The following LOXL3 variants were observed in gnomAD, a reference collection of about 807,000 sequenced individuals.
The protein encoded by LOXL3 is lysyl oxidase like 3, also known as lysyl oxidase homolog 3.
Under a neutral mutation model 91.8 loss-of-function variants are expected in LOXL3, and 60 were observed. That is an observed-to-expected ratio of 0.65 (90% confidence interval 0.53 to 0.81). LOXL3 has a LOEUF of 0.81. LOXL3 is among the 30% of genes least tolerant of loss of function. The pLI, the probability that LOXL3 is intolerant of heterozygous loss-of-function variation, is 0.00. For synonymous variants in LOXL3, 355 were observed against 387.6 expected (o/e 0.92, Z 0.99); for missense variants, 874 against 1,000.4 (o/e 0.87, Z 1.70).
At chr2:74,554,383 G>T, upstream of LOXL3, 1 of 243,154 alleles carries the variant, frequency 4.1e-6, no homozygotes, top group South Asian at 6.2e-5. This position sits in a 1 kb window ranked among gnomAD's most constrained non-coding sequence, Gnocchi z 4.9. Flanking sequence ...GCCCGTGTGG[G>T]TCTCTCCGGT....
intron 1 of LOXL3, among the ~76,000 whole-genome samples, chr2:74,553,285 C>T (rs539437634): frequency 6.6e-6 from 1 of 152,274 alleles, no homozygotes; most frequent in African/African-American, 2.4e-5. Flanking sequence ...CCTAACCCAG[C>T]AGATTCCCAG....
chr2:74,550,219 C>T lies in LOXL3; in HGVS notation c.443G>A (p.Arg148His), dbSNP rs575389607. Residue 148 changes from arginine to histidine, a missense_variant, in exon 3 of 14, where the codon CGC (arginine) becomes CAC (histidine). By Grantham distance (29) the Arg-to-His change is conservative. Coordinates refer to ENST00000264094, the MANE Select transcript of LOXL3 (RefSeq NM_032603.5). The stretch of plus-strand genomic sequence containing the variant: ...ATTGGAGTCCGAGAAGCCAGGGAGG[C>T]GCTGGTCTTTGCAGATGACCCCAGC... ...EDAGVICKDQ[R>H]LPGFSDSNVI... The T allele has an allele frequency of 9.4e-5, 151 of 1,614,028 alleles. No homozygotes were observed. Among genetic ancestry groups the T allele is most frequent in the African/African-American group, 1.2e-4 (9 of 75,024 alleles).
intron 2 of LOXL3, among the ~76,000 whole-genome samples, chr2:74,551,124 G>C (rs1157278608): frequency 6.6e-6 from 1 of 152,100 alleles, no homozygotes; most frequent in Non-Finnish European, 1.5e-5. Context: ...GTAGAGACAG[G>C]GTTTCAACCA....
Position 74,533,086 on chromosome 2 carries a change from G to A in LOXL3, c.*520C>T, listed in dbSNP as rs934380318. The A allele has an allele frequency of 7.9e-6, 9 of 1,136,580 alleles. No individual in the cohort carries two copies. The African/African-American group carries it at 1.1e-4, about 14-fold the overall frequency. The allele number at this position is 1,136,580 out of a possible 1,614,324, so 70.4% of individuals were successfully genotyped here. The stretch of plus-strand genomic sequence containing the variant: ...GACAGAGGGTTAAATGAACCAGTGG[G>A]GGCAGGTCCCTCCAACCACCAGCAC... On this transcript the variant is annotated 3_prime_UTR_variant, in exon 14 of 14. Transcript: ENST00000264094.
At position 74,548,250 on chromosome 2, in the gene LOXL3, T is replaced by C. The variant is rs146995861; in HGVS notation, c.692+1119A>G. ...TCAAGATAATCTCATGGGATCATCATGGCTTTTTTATGGCTTCTAAATTAT... is the reference window on the plus strand; with the variant it reads ...TCAAGATAATCTCATGGGATCATCACGGCTTTTTTATGGCTTCTAAATTAT... On this transcript the variant is annotated intron_variant, in intron 4 of 13. Coordinates refer to ENST00000264094, the MANE Select transcript of LOXL3 (RefSeq NM_032603.5). Among the ~76,000 whole-genome samples, 217 of 152,360 alleles carry C rather than the reference T, an allele frequency of 1.4e-3. 1 individual carries two copies. The highest frequency in any genetic ancestry group is 5.0e-3 in the African/African-American group (209 of 41,588).
Position 74,549,647 on chromosome 2 carries a change from T to G in LOXL3, c.478-64A>C. 6.5e-7 allele frequency: 1 copy of G among 1,526,834 alleles called. No individual in the cohort carries two copies. Among genetic ancestry groups the G allele is most frequent in the African/African-American group, 1.4e-5 (1 of 73,294 alleles). 94.6% of individuals were successfully genotyped at this position (1,526,834 alleles called of 1,614,324 possible). On this transcript the variant is annotated intron_variant, in intron 3 of 13. Coordinates refer to ENST00000264094, the MANE Select transcript of LOXL3 (RefSeq NM_032603.5). The surrounding 1 kb of genome is among the most constrained non-coding windows in gnomAD (Gnocchi z 5.3). ...GCACCTTTCATGTGTCCCGCCGCCC[T>G]TAAGGAACCCTGCTTGGTGTGCCTG...
In LOXL3 at chr2:74,536,902, G is replaced by C. The variant is rs1476025076; in HGVS notation, c.719C>G (p.Ser240Cys). 3 of 1,614,168 alleles carry C rather than the reference G, an allele frequency of 1.9e-6. No individual in the cohort carries two copies. Among genetic ancestry groups the C allele is most frequent in the Admixed American group, 1.7e-5 (1 of 60,024 alleles). ...YRLLAQRQQH[S>C]FGLHGVACVG... Reference sequence around the variant, plus strand: ...GCACGCCACCCCATGCAGACCAAAGGAGTGTTGCTGCCGTTGGGCTAGCAG... The same window carrying C: ...GCACGCCACCCCATGCAGACCAAAGCAGTGTTGCTGCCGTTGGGCTAGCAG... Residue 240 changes from serine to cysteine, a missense_variant, in exon 5 of 14, where the codon TCC becomes TGC. By Grantham distance (112) the Ser-to-Cys change is moderately radical (BLOSUM62 -1). Transcript: ENST00000264094. This position sits in a 1 kb window ranked among gnomAD's most constrained non-coding sequence, Gnocchi z 4.5.
intron 4 of LOXL3, among the ~76,000 whole-genome samples, chr2:74,538,001 G>A (rs1676122654): frequency 6.6e-6 from 1 of 152,222 alleles, no homozygotes. Flanking sequence ...CATTGGCTAG[G>A]AAGACACAGG....
chr2:74,533,851 A>ATATTCCTGGGTTGC lies in LOXL3; in HGVS notation c.2188+30_2188+31insGCAACCCAGGAATA, dbSNP rs1278189248. On this transcript the variant is annotated intron_variant, in intron 13 of 13. Transcript: ENST00000264094. ...GAACGTCTTTCCCTCCCATCCCCTA[A>ATATTCCTGGGTTGC]TCTTCCTGGGTTGCTCTTCCCATCA... 8 of 1,567,272 alleles carry ATATTCCTGGGTTGC rather than the reference A, an allele frequency of 5.1e-6. No homozygotes were observed. The African/African-American group carries it at 8.1e-5, about 16-fold the overall frequency.
At chr2:74,533,718 A>G in intron 13 of LOXL3, 39 bp from the exon 14 acceptor site, 1 of 1,585,062 alleles carries the variant, frequency 6.3e-7, no homozygotes. Flanking sequence ...CGCCCTGCAC[A>G]GAGGGAGGGA....
chr2:74,533,796 GATGGAGAAACAAGCT>G, intron 13 of LOXL3, 71 bp downstream of exon 13: 1 of 1,434,538 alleles, frequency 7.0e-7, no homozygotes, highest in Non-Finnish European at 9.8e-7. Context: ...AAGGTGGGAA[GATGGAGAAACAAGCT>G]ATGGAAAAGA....
intron 13 of LOXL3, 71 bp from the exon 14 acceptor site, chr2:74,533,750 G>C (rs1675801909): frequency 6.6e-7 from 1 of 1,513,224 alleles, no homozygotes; most frequent in East Asian, 2.3e-5. Flanking sequence ...TGTGGAGAAG[G>C]GTGGGTAGAA....
Position 74,535,439 on chromosome 2 carries a change from C to T in LOXL3, c.1432G>A (p.Asp478Asn). The T allele has an allele frequency of 6.2e-7, 1 of 1,613,994 alleles. No individual in the cohort carries two copies. The highest frequency in any genetic ancestry group is 1.3e-5 in the African/African-American group (1 of 75,062). The stretch of plus-strand genomic sequence containing the variant: ...ACCACCTCTGTTATATTCCCAGAGT[C>T]CCAGTACCAGGTCTCCTGGGGACAT... ...NHGLQETWYW[D>N]SGNITEVVMS... Residue 478 changes from aspartate (D) to asparagine (N), a missense_variant, in exon 9 of 14, where the codon GAC becomes AAC. Physicochemically the swap from Asp to Asn is conservative, Grantham distance 23. Transcript: ENST00000264094. The surrounding 1 kb of genome is among the most constrained non-coding windows in gnomAD (Gnocchi z 4.2).
chr2:74,536,529 A>T lies in LOXL3; in HGVS notation c.913-58T>A, dbSNP rs115140379. On this transcript the variant is annotated intron_variant, in intron 5 of 13. Coordinates refer to ENST00000264094, the MANE Select transcript of LOXL3 (RefSeq NM_032603.5). This position sits in a 1 kb window ranked among gnomAD's most constrained non-coding sequence, Gnocchi z 4.5. ...ATGGCAACATCTGCACGGAGGGCTA[A>T]GCAGACCTGGGAGATGAGTGAGACT... 7,620 of 1,553,622 alleles carry T rather than the reference A, an allele frequency of 4.9e-3. 29 individuals carry two copies. The highest frequency in any genetic ancestry group is 6.1e-3 in the Non-Finnish European group (6,951 of 1,143,718).
chr2:74,550,439 C>A, intron 2 of LOXL3, 91 bp from the exon 3 acceptor site: 1 of 1,352,496 alleles, frequency 7.4e-7, no homozygotes, highest in Admixed American at 2.1e-5. Flanking sequence ...GCTGAGGCCT[C>A]CCACTTGGCC....
chr2:74,533,095 C>A lies in LOXL3; in HGVS notation c.*511G>T. 1.1e-6 allele frequency: 1 copy of A among 941,096 alleles called. No homozygotes were observed. Among genetic ancestry groups the A allele is most frequent in the Non-Finnish European group, 1.7e-6 (1 of 590,744 alleles). 58.3% of individuals were successfully genotyped at this position (941,096 alleles called of 1,614,324 possible). A position where few individuals can be genotyped will look rare whatever the true frequency, so the allele number is the denominator to read the frequency against. ...TTAAATGAACCAGTGGGGGCAGGTC[C>A]CTCCAACCACCAGCACTGACTCCTG... On this transcript the variant is annotated 3_prime_UTR_variant, in exon 14 of 14. Transcript: ENST00000264094.
In LOXL3 at chr2:74,536,550, A is replaced by G; in HGVS notation, c.913-79T>C. 1 of 1,506,698 alleles carries G rather than the reference A, an allele frequency of 6.6e-7. No homozygotes were observed. The highest frequency in any genetic ancestry group is 9.0e-7 in the Non-Finnish European group (1 of 1,110,440). The allele number at this position is 1,506,698 out of a possible 1,614,324, so 93.3% of individuals were successfully genotyped here. A position where few individuals can be genotyped will look rare whatever the true frequency, so the allele number is the denominator to read the frequency against. On this transcript the variant is annotated intron_variant, in intron 5 of 13. Transcript: ENST00000264094. The surrounding 1 kb of genome is among the most constrained non-coding windows in gnomAD (Gnocchi z 4.5). ...GCTAAGCAGACCTGGGAGATGAGTG[A>G]GACTTTGGTGGAAGGGAGTGGGTGG...
At chr2:74,554,762 G>T, upstream of LOXL3, 2 of 1,613,620 alleles carry the variant, frequency 1.2e-6, no homozygotes, top group Non-Finnish European at 1.7e-6. This position sits in a 1 kb window ranked among gnomAD's most constrained non-coding sequence, Gnocchi z 4.9. Flanking sequence ...GCCATGGACG[G>T]AGCAGTGATG....
upstream of LOXL3, chr2:74,555,581 A>G (rs1308269318): frequency 1.2e-6 from 2 of 1,614,216 alleles, no homozygotes; most frequent in Non-Finnish European, 1.7e-6. This position sits in a 1 kb window ranked among gnomAD's most constrained non-coding sequence, Gnocchi z 6.1. Context: ...ACAGAAAGGC[A>G]GCTGGACTCT....
Sources: gnomAD v4.1 joint callset for allele counts (sites outside exome capture counted in the v4.1 genomes callset) on GRCh38, gnomAD v4.1.1 for gene constraint, Gnocchi (gnomAD v3.1) non-coding constraint, MANE v1.5 for transcripts, NCBI Gene and HGNC (gene_info 2026-07-23, HGNC 2026-07-21) for gene names.